The following ADAMTS7 variants were observed in gnomAD, a reference collection of about 807,000 sequenced individuals.
ADAMTS7 encodes the protein A disintegrin and metalloproteinase with thrombospondin motifs 7.
Under a neutral mutation model 172.6 loss-of-function variants are expected in ADAMTS7, and 89 were observed. The ratio of observed to expected loss-of-function variants is 0.52; its 90% CI spans 0.43 to 0.61. ADAMTS7 has a LOEUF of 0.61. Among genes scored for constraint, ADAMTS7 ranks in the 20% least tolerant of loss-of-function variants. The probability of loss-of-function intolerance (pLI) is 0.00; values close to 1 mark genes in which losing one functional copy is unlikely to be tolerated. For synonymous variants in ADAMTS7, 885 were observed against 978.4 expected, an observed-to-expected ratio of 0.90 and a Z score of 1.78; for missense variants, 1,973 against 2,355.6, an observed-to-expected ratio of 0.84 and a Z score of 3.36.
intron 23 of ADAMTS7, among the ~76,000 whole-genome samples, chr15:78,761,107 G>C (rs1433521325): frequency 6.6e-6 from 1 of 152,238 alleles, no homozygotes; most frequent in Non-Finnish European, 1.5e-5. Context: ...GGGCAGGCAG[G>C]ACAGGGTGGG....
chr15:78,776,826 G>T lies in ADAMTS7; in HGVS notation c.1483C>A (p.Leu495Ile). The T allele has an allele frequency of 6.5e-7, 1 of 1,546,598 alleles. No homozygotes were observed. The highest frequency in any genetic ancestry group is 8.7e-7 in the Non-Finnish European group (1 of 1,143,680). The change falls in exon 10 of 24, where the codon CTC becomes ATC. Residue 495 changes from leucine to isoleucine, a missense_variant. This residue lies in a region of ADAMTS7 where 526 missense variants were observed against 662.9 expected (regional missense o/e 0.79). Coordinates refer to ENST00000388820, the MANE Select transcript of ADAMTS7 (RefSeq NM_014272.5). ...CAGGTGGTCCCCACAGAGCACCAGAGTGTGTGGCAGACATTCTGCGAGGAG... is the reference window on the plus strand; with the variant it reads ...CAGGTGGTCCCCACAGAGCACCAGATTGTGTGGCAGACATTCTGCGAGGAG... ...CEDMDNVCHT[L>I]WCSVGTTCHS...
intron 20 of ADAMTS7, among the ~76,000 whole-genome samples, chr15:78,764,321 C>T (rs1051377876): frequency 9.9e-5 from 15 of 152,250 alleles, no homozygotes; most frequent in Admixed American, 4.6e-4. Flanking sequence ...GGAACAAAGG[C>T]AAGCTGGTGA....
At chr15:78,782,783 A>G (rs1240397067) in intron 8 of ADAMTS7, among the ~76,000 whole-genome samples, 3 of 151,866 alleles carry the variant, frequency 2.0e-5, no homozygotes. Flanking sequence ...TAGTGCCAGG[A>G]GGGCTGAAGA....
chr15:78,760,763 C>A (rs1471519647), intron 23 of ADAMTS7, among the ~76,000 whole-genome samples: 6 of 152,196 alleles, frequency 3.9e-5, no homozygotes, highest in African/African-American at 1.4e-4. Context: ...CCCAGCCCCC[C>A]TCCACTGTTC....
intron 4 of ADAMTS7, 59 bp from the exon 5 acceptor site, chr15:78,791,282 G>GGCCCCGGGGGCCCCCCCCC: frequency 6.7e-7 from 1 of 1,488,262 alleles, no homozygotes; most frequent in Non-Finnish European, 9.1e-7. Context: ...AGCAGCCAAT[G>GGCCCCGGGGGCCCCCCCCC]CCCACCCCAA....
In ADAMTS7 at chr15:78,774,701, C is replaced by T. The variant is rs146929742; in HGVS notation, c.1799G>A (p.Arg600His). The T allele has an allele frequency of 7.3e-5, 117 of 1,611,508 alleles. No homozygotes were observed. The highest frequency in any genetic ancestry group is 9.2e-5 in the Non-Finnish European group (108 of 1,179,810). The part of the protein sequence containing the change: ...QACPAGRPSF[R>H]HVQCSHFDAM... The stretch of plus-strand genomic sequence containing the variant: ...GTCAAAGTGGCTGCACTGGACGTGG[C>T]GGAAGGAGGGGCGGCCAGCAGGGCA... Residue 600 changes from arginine to histidine, a missense_variant, in exon 12 of 24, where the codon CGC becomes CAC. Transcript: ENST00000388820.
Position 78,766,875 on chromosome 15 carries a change from G to A in ADAMTS7, c.3036C>T (p.Ser1012=), listed in dbSNP as rs1438423949. The change falls in exon 19 of 24, where the codon AGC becomes AGT. Residue 1012 remains serine (S), a synonymous_variant. Coordinates refer to ENST00000388820, the MANE Select transcript of ADAMTS7 (RefSeq NM_014272.5). ...AGTCAGCCTCGTTGAAGAGCTCGTGGCTGGAGGAGCCGCTGCCTGAGCCTT... is the reference window on the plus strand; with the variant it reads ...AGTCAGCCTCGTTGAAGAGCTCGTGACTGGAGGAGCCGCTGCCTGAGCCTT... The part of the protein sequence containing the change: ...GPEGSGSGSS[S]HELFNEADFI... The A allele has an allele frequency of 1.2e-6, 2 of 1,609,364 alleles. No individual in the cohort carries two copies. The highest frequency in any genetic ancestry group is 2.3e-4 in the Middle Eastern group (1 of 4,440).
At chr15:78,763,888 G>A in intron 21 of ADAMTS7, 38 bp downstream of exon 21, 1 of 1,567,560 alleles carries the variant, frequency 6.4e-7, no homozygotes, top group Non-Finnish European at 8.6e-7. Context: ...CAGGGTCTGA[G>A]GGCGTCCCCT....
chr15:78,799,654 C>T (rs1241687302), intron 2 of ADAMTS7, among the ~76,000 whole-genome samples: 1 of 151,836 alleles, frequency 6.6e-6, no homozygotes, highest in South Asian at 2.1e-4. Flanking sequence ...GTTACTTAGT[C>T]CAGTCAAACG....
Position 78,765,812 on chromosome 15 carries a change from C to A in ADAMTS7, c.4099G>T (p.Val1367Leu). 3 of 1,594,154 alleles carry A rather than the reference C, an allele frequency of 1.9e-6. No homozygotes were observed. Among genetic ancestry groups the A allele is most frequent in the Non-Finnish European group, 2.6e-6 (3 of 1,171,942 alleles). Reference protein sequence around the residue: ...KGQPESLSPEVPLSSRLLSTP... With the variant: ...KGQPESLSPELPLSSRLLSTP... ...GACAGCAGCCTAGAGCTCAGGGGCA[C>A]CTCAGGGCTGAGGGACTCAGGCTGA... Residue 1367 changes from valine to leucine, a missense_variant, in exon 19 of 24, where the codon GTG becomes TTG. Coordinates refer to ENST00000388820, the MANE Select transcript of ADAMTS7 (RefSeq NM_014272.5).
rs1229530880 is a variant in ADAMTS7, at chr15:78,776,187, C to T, written c.1706+1G>A. The T allele has an allele frequency of 5.6e-6, 9 of 1,609,162 alleles. No homozygotes were observed. Among genetic ancestry groups the T allele is most frequent in the Non-Finnish European group, 6.8e-6 (8 of 1,178,448 alleles). On this transcript the variant is annotated splice_donor_variant, in intron 11 of 23. Coordinates refer to ENST00000388820, the MANE Select transcript of ADAMTS7 (RefSeq NM_014272.5). LOFTEE classifies it high-confidence loss of function. ...AAGGGCACCCTGGGCCCCACACTCA[C>T]GTAGGCTGCGTGCACTGCCGCTCGG...
rs150520631 is a variant in ADAMTS7, at chr15:78,766,232, G to A, written c.3679C>T (p.Arg1227Ter). 5.5e-5 allele frequency: 89 copies of A among 1,611,776 alleles called. 1 individual carries two copies. Among genetic ancestry groups the A allele is most frequent in the African/African-American group, 1.9e-4 (14 of 74,980 alleles). The part of the protein sequence containing the change: ...VFKDDEEPKG[R>*]GAPHLPPRPS... ...CTCGGGGGCAGGTGGGGTGCTCCTC[G>A]GCCCTTGGGTTCCTCATCATCCTTG... The change falls in exon 19 of 24, where the codon CGA (arginine) becomes TGA (stop). Residue 1227 changes from arginine (R) to a stop codon, truncating the protein, a stop_gained. Coordinates refer to ENST00000388820, the MANE Select transcript of ADAMTS7 (RefSeq NM_014272.5). LOFTEE classifies it high-confidence loss of function.
intron 4 of ADAMTS7, among the ~76,000 whole-genome samples, chr15:78,795,418 T>G (rs1313115724): frequency 1.3e-5 from 2 of 152,198 alleles, no homozygotes; most frequent in African/African-American, 4.8e-5. Context: ...CTGCACTCAC[T>G]GATGAGGACT....
chr15:78,790,092 G>C (rs2141509063), intron 6 of ADAMTS7, among the ~76,000 whole-genome samples: 1 of 152,320 alleles, frequency 6.6e-6, no homozygotes, highest in Middle Eastern at 3.4e-3. Context: ...ATCCAGCAGG[G>C]GTGCTGACAG....
intron 9 of ADAMTS7, chr15:78,777,093 C>T (rs2055358766): frequency 1.1e-5 from 6 of 569,492 alleles, no homozygotes; most frequent in Non-Finnish European, 1.9e-5. Flanking sequence ...CCAGCCCCTC[C>T]TCTGGAAACA....
chr15:78,807,191 A>G (rs941968738), intron 1 of ADAMTS7, among the ~76,000 whole-genome samples: 1 of 152,172 alleles, frequency 6.6e-6, no homozygotes, highest in East Asian at 1.9e-4. Context: ...AAAATTCTCA[A>G]CTGGGGGAGC....
intron 8 of ADAMTS7, among the ~76,000 whole-genome samples, chr15:78,786,093 C>G (rs1224218082): frequency 6.6e-6 from 1 of 150,968 alleles, no homozygotes; most frequent in Non-Finnish European, 1.5e-5. Flanking sequence ...CCACACCTGG[C>G]TAATTTTTGT....
intron 23 of ADAMTS7, among the ~76,000 whole-genome samples, chr15:78,761,524 T>C (rs2055042737): frequency 6.6e-6 from 1 of 152,202 alleles, no homozygotes; most frequent in African/African-American, 2.4e-5. Context: ...CACGCAGTGC[T>C]GCGTGCTTCA....
chr15:78,802,287 C>T (rs2055735835), intron 1 of ADAMTS7, among the ~76,000 whole-genome samples: 1 of 152,212 alleles, frequency 6.6e-6, no homozygotes. Flanking sequence ...GGTGGAGCTA[C>T]TCCCTTTAGC....
Sources: allele counts gnomAD v4.1 joint callset (sites outside exome capture counted in the v4.1 genomes callset), GRCh38; gene constraint gnomAD v4.1.1; regional missense constraint gnomAD v4.1.1; transcripts MANE v1.5; gene names NCBI Gene and HGNC (gene_info 2026-07-23, HGNC 2026-07-21).